PIK3CA: variants seen among roughly 807,000 people sequenced by gnomAD.
PIK3CA encodes the protein phosphatidylinositol-4,5-bisphosphate 3-kinase catalytic subunit alpha.
In PIK3CA, 27 loss-of-function variants were observed where a neutral mutation model predicts 138.2. The ratio of observed to expected loss-of-function variants is 0.20; its 90% CI spans 0.14 to 0.27. PIK3CA has a LOEUF of 0.27. PIK3CA is among the 10% of genes least tolerant of loss of function. The pLI is 1.00. For synonymous variants in PIK3CA, 358 were observed against 413.2 expected (o/e 0.87, Z 1.62); for missense variants, 544 against 1,277.4 (o/e 0.43, Z 8.75).
chr3:179,229,932 C>T, intron 18 of PIK3CA, 72 bp from the exon 19 acceptor site: 1 of 893,810 alleles, frequency 1.1e-6, no homozygotes. Context: ...AACTTGCACC[C>T]TGTTTTCTTT....
In PIK3CA at chr3:179,234,137, C is replaced by T. The variant is rs1160295534; in HGVS notation, c.2980C>T (p.His994Tyr). ...CAAGGCTTATCTAGCTATTCGACAGCATGCCAATCTCTTCATAAATCTTTT... is the reference window on the plus strand; with the variant it reads ...CAAGGCTTATCTAGCTATTCGACAGTATGCCAATCTCTTCATAAATCTTTT... ...CYKAYLAIRQ[H>Y]ANLFINLFSM... is the part of the protein sequence containing the mutation. Residue 994 changes from histidine to tyrosine, a missense_variant, in exon 21 of 21, where the codon CAT becomes TAT. Physicochemically the swap from His to Tyr is moderately conservative, Grantham distance 83 (BLOSUM62 2). This residue lies in a region of PIK3CA where 13 missense variants were observed against 17.3 expected (regional missense o/e 0.75). Transcript: ENST00000263967. This position sits in a 1 kb window ranked among gnomAD's most constrained non-coding sequence, Gnocchi z 5.1. 3.7e-6 allele frequency: 6 copies of T among 1,611,968 alleles called. No individual in the cohort carries two copies. In the African/African-American group the frequency reaches 6.7e-5, roughly 18 times the overall value.
At position 179,235,087 on chromosome 3, in the gene PIK3CA, C is replaced by T. The variant is rs1576950434; in HGVS notation, c.*723C>T. The T allele has an allele frequency of 1.7e-5, 3 of 180,846 alleles. No individual in the cohort carries two copies. The highest frequency in any genetic ancestry group is 6.6e-5 in the Admixed American group (1 of 15,064). The allele number at this position is 180,846 out of a possible 1,614,324, so 11.2% of individuals were successfully genotyped here. A position where few individuals can be genotyped will look rare whatever the true frequency, so the allele number is the denominator to read the frequency against. On this transcript the variant is annotated 3_prime_UTR_variant, in exon 21 of 21. Transcript: ENST00000263967. ...TGGACAGTATTTAAAGGATCTTATT[C>T]TTATTTCCCAGGGAAATTCTGGGCT...
chr3:179,199,898 A>G lies in PIK3CA; in HGVS notation c.561A>G (p.Lys187=), dbSNP rs1410357074. 6.4e-7 allele frequency: 1 copy of G among 1,563,520 alleles called. No individual in the cohort carries two copies. Among genetic ancestry groups the G allele is most frequent in the Admixed American group, 1.7e-5 (1 of 59,894 alleles). Residue 187 remains lysine (K), a splice_region_variant and synonymous_variant, in exon 3 of 21, where the codon AAA becomes AAG. Coordinates refer to ENST00000263967, the MANE Select transcript of PIK3CA (RefSeq NM_006218.4). ...LPKHIYNKLD[K]GQIIVVIWVI... ...AGCACATATATAATAAATTAGATAA[A>G]GGTAAGAAAATGACTAATCTACTCT...
chr3:179,169,661 C>A (rs1331865336), intron 1 of PIK3CA, among the ~76,000 whole-genome samples: 3 of 152,184 alleles, frequency 2.0e-5, no homozygotes, highest in Admixed American at 2.0e-4. Flanking sequence ...GTTCTGTTCT[C>A]TGGATCTGCA....
rs530998143 is a variant in PIK3CA at position 179,196,712 on chromosome 3, A to G, written c.-76-2038A>G. On this transcript the variant is annotated intron_variant, in intron 1 of 20. Transcript: ENST00000263967. ...ATACCATAATTATTTGTTTGCAACC[A>G]AGAATTGGTACAGCATAAATGTCTA... Among the ~76,000 whole-genome samples, 13 of 152,314 alleles carry G rather than the reference A, an allele frequency of 8.5e-5. No individual in the cohort carries two copies. In the South Asian group the frequency reaches 2.7e-3, roughly 32 times the overall value.
chr3:179,227,767 AC>A (rs1230455438), intron 17 of PIK3CA, among the ~76,000 whole-genome samples: 4 of 152,150 alleles, frequency 2.6e-5, no homozygotes, highest in African/African-American at 9.6e-5. Context: ...TTGGATACTT[AC>A]GTGTCAATCT....
intron 1 of PIK3CA, among the ~76,000 whole-genome samples, chr3:179,176,496 TG>T (rs1346175158): frequency 2.0e-5 from 3 of 152,224 alleles, no homozygotes; most frequent in Non-Finnish European, 4.4e-5. Context: ...TCATTCTCCT[TG>T]TTTAGAAATG....
At chr3:179,171,103 C>G (rs1723547904) in intron 1 of PIK3CA, among the ~76,000 whole-genome samples, 1 of 151,572 alleles carries the variant, frequency 6.6e-6, no homozygotes, top group Non-Finnish European at 1.5e-5. Context: ...TGTTTTGCAA[C>G]TACAAAGGAA....
rs202038584 is a variant in PIK3CA at position 179,198,996 on chromosome 3, C to T, written c.171C>T (p.Pro57=). 1.2e-6 allele frequency: 2 copies of T among 1,613,238 alleles called. No homozygotes were observed. The highest frequency in any genetic ancestry group is 1.7e-6 in the Non-Finnish European group (2 of 1,179,662). Reference sequence around the variant, plus strand: ...TATTTAAAGAAGCAAGAAAATACCCCCTCCATCAACTTCTTCAAGATGAAT... The same window carrying T: ...TATTTAAAGAAGCAAGAAAATACCCTCTCCATCAACTTCTTCAAGATGAAT... ...HELFKEARKY[P]LHQLLQDESS... Residue 57 remains proline, a synonymous_variant, in exon 2 of 21, where the codon CCC becomes CCT. Transcript: ENST00000263967.
chr3:179,235,330 CATT>C lies in PIK3CA; in HGVS notation c.*968_*970del, dbSNP rs1725313116. On this transcript the variant is annotated 3_prime_UTR_variant, in exon 21 of 21. Coordinates refer to ENST00000263967, the MANE Select transcript of PIK3CA (RefSeq NM_006218.4). ...AGGCTATTTATATTATAGAAACTAT[CATT>C]AATATATATTCTTTATTTACATGAT... 5.6e-6 allele frequency: 1 copy of C among 178,014 alleles called. No homozygotes were observed. Among genetic ancestry groups the C allele is most frequent in the South Asian group, 2.0e-4 (1 of 5,036 alleles). The allele number at this position is 178,014 out of a possible 1,614,324, so 11.0% of individuals were successfully genotyped here. A position where few individuals can be genotyped will look rare whatever the true frequency, so the allele number is the denominator to read the frequency against.
intron 1 of PIK3CA, among the ~76,000 whole-genome samples, chr3:179,178,474 A>T (rs1723759299): frequency 6.6e-6 from 1 of 152,200 alleles, no homozygotes; most frequent in South Asian, 2.1e-4. Context: ...CCATCATGAG[A>T]TACCCACTAG....
intron 1 of PIK3CA, among the ~76,000 whole-genome samples, chr3:179,193,368 G>A (rs1724185166): frequency 6.6e-6 from 1 of 152,202 alleles, no homozygotes; most frequent in African/African-American, 2.4e-5. Flanking sequence ...GTGGTCACAT[G>A]TCAATGCTGA....
intron 3 of PIK3CA, among the ~76,000 whole-genome samples, chr3:179,200,203 C>T (rs1005285170): frequency 6.6e-6 from 1 of 151,836 alleles, no homozygotes; most frequent in Admixed American, 6.6e-5. Context: ...ATTATCTTTT[C>T]ATAAATAAAA....
rs746382412 is a variant in PIK3CA, at chr3:179,201,803, G to A, written c.813+263G>A. Among the ~76,000 whole-genome samples, 8 of 151,742 alleles carry A rather than the reference G, an allele frequency of 5.3e-5. 1 individual carries two copies. The highest frequency in any genetic ancestry group is 2.9e-5 in the Non-Finnish European group (2 of 67,924). On this transcript the variant is annotated intron_variant, in intron 4 of 20. Transcript: ENST00000263967. ...TGTATTTTTAGTAGAGACAGGTTTT[G>A]CACCATGTTATCTAGGATAGTCTTG...
Position 179,154,896 on chromosome 3 carries a change from C to T in PIK3CA, c.-77+6293C>T, listed in dbSNP as rs183791916. Among the ~76,000 whole-genome samples the T allele has an allele frequency of 2.7e-3, 404 of 152,076 alleles. 1 individual carries two copies. Among genetic ancestry groups the T allele is most frequent in the African/African-American group, 9.4e-3 (389 of 41,474 alleles). ...TTTTAGCAACTTTTGTACATTATTG[C>T]GATTGTTACAAAGGGGTCTTTATGA... On this transcript the variant is annotated intron_variant, in intron 1 of 20. Transcript: ENST00000263967.
At chr3:179,153,609 G>A in intron 1 of PIK3CA, among the ~76,000 whole-genome samples, 1 of 152,184 alleles carries the variant, frequency 6.6e-6, no homozygotes, top group East Asian at 1.9e-4. Context: ...GTCTCATTAT[G>A]TATATGCAAA....
Position 179,220,621 on chromosome 3 carries a change from A to G in PIK3CA, c.2016-365A>G, listed in dbSNP as rs1724942975. ...AGAAGTTAAGTTGAAAACAAGAAGC[A>G]TAGGCGTGTGTCAGAAGAGTCAAAC... On this transcript the variant is annotated intron_variant, in intron 13 of 20. Transcript: ENST00000263967. This position sits in a 1 kb window ranked among gnomAD's most constrained non-coding sequence, Gnocchi z 4.1. Among the ~76,000 whole-genome samples the G allele has an allele frequency of 6.6e-6, 1 of 152,206 alleles. No homozygotes were observed.
intron 1 of PIK3CA, among the ~76,000 whole-genome samples, chr3:179,159,025 A>G (rs1560122573): frequency 6.6e-6 from 1 of 152,152 alleles, no homozygotes. Flanking sequence ...TGTATTTCTC[A>G]TATACCAGGA....
intron 2 of PIK3CA, 144 bp from the exon 3 acceptor site, chr3:179,199,546 C>T: frequency 1.9e-6 from 1 of 538,170 alleles, no homozygotes; most frequent in Non-Finnish European, 3.3e-6. Flanking sequence ...TATATGCATT[C>T]ATCAAAAATT....
Sources: gnomAD v4.1 joint callset for allele counts (sites outside exome capture counted in the v4.1 genomes callset) on GRCh38, gnomAD v4.1.1 for gene constraint, gnomAD v4.1.1 regional missense constraint, Gnocchi (gnomAD v3.1) non-coding constraint, MANE v1.5 for transcripts, NCBI Gene and HGNC (gene_info 2026-07-23, HGNC 2026-07-21) for gene names.